KLHL23: variants seen among roughly 807,000 people sequenced by gnomAD.
KLHL23 encodes the protein kelch like family member 23.
KLHL23 carries 33 observed loss-of-function variants against 48.9 expected under a neutral mutation model. The observed-to-expected ratio is 0.67, with a 90% CI of 0.51 to 0.90. The LOEUF (loss-of-function observed/expected upper bound fraction) is 0.90, where lower values mean the gene tolerates loss of function less well. Ranked by LOEUF, KLHL23 falls within the 40% of genes least tolerant of loss-of-function variation. The pLI, the probability that KLHL23 is intolerant of heterozygous loss-of-function variation, is 0.00. For missense variants in KLHL23, 608 were observed against 669.6 expected (o/e 0.91, Z 1.02); for synonymous variants, 234 against 231.6 (o/e 1.01, Z -0.09).
chr2:169,744,678 C>T (rs995287086), intron 3 of KLHL23, among the ~76,000 whole-genome samples: 2 of 151,768 alleles, frequency 1.3e-5, no homozygotes, highest in African/African-American at 2.4e-5. Flanking sequence ...CCTGCCTCAA[C>T]GTCCCAAGTA....
Position 169,751,768 on chromosome 2 carries a change from A to G in KLHL23, c.*2036A>G, listed in dbSNP as rs1231955673. The G allele has an allele frequency of 1.3e-5, 2 of 152,204 alleles. No individual in the cohort carries two copies. Among genetic ancestry groups the G allele is most frequent in the Non-Finnish European group, 2.9e-5 (2 of 68,022 alleles). The allele number at this position is 152,204 out of a possible 1,614,324, so 9.4% of individuals were successfully genotyped here. A position where few individuals can be genotyped will look rare whatever the true frequency, so the allele number is the denominator to read the frequency against. On this transcript the variant is annotated 3_prime_UTR_variant, in exon 4 of 4. Transcript: ENST00000392647. ...AAAATCTTTATGCATGTGGAAGGTA[A>G]TCTGCAAAACAAATTCATTGTGTTA... is the stretch of plus-strand genomic sequence containing the variant.
At chr2:169,738,863 CTCTCTT>C (rs1688590845) in intron 2 of KLHL23, among the ~76,000 whole-genome samples, 1 of 2,764 alleles carries the variant, frequency 3.6e-4, no homozygotes, top group African/African-American at 2.1e-3. Context: ...TCACCCTCCC[CTCTCTT>C]CCCCCTTCCC....
chr2:169,743,683 G>C (rs1467501524), intron 3 of KLHL23, among the ~76,000 whole-genome samples: 2 of 152,214 alleles, frequency 1.3e-5, no homozygotes, highest in Non-Finnish European at 2.9e-5. Context: ...GGGAGCCAGG[G>C]GGTAGCTGTT....
intron 3 of KLHL23, among the ~76,000 whole-genome samples, chr2:169,748,527 C>T (rs546548271): frequency 6.6e-6 from 1 of 152,096 alleles, no homozygotes; most frequent in Non-Finnish European, 1.5e-5. Flanking sequence ...GGGCAGAGAC[C>T]AGGATGAGGC....
At chr2:169,747,682 A>C (rs1277172779) in intron 3 of KLHL23, among the ~76,000 whole-genome samples, 1 of 151,222 alleles carries the variant, frequency 6.6e-6, no homozygotes, top group African/African-American at 2.4e-5. Flanking sequence ...TAATGTGAGG[A>C]CACATTGGGA....
At chr2:169,739,048 CCTCCTTCCCCTCCCT>C (rs1688608946) in intron 2 of KLHL23, among the ~76,000 whole-genome samples, 1 of 129,316 alleles carries the variant, frequency 7.7e-6, no homozygotes, top group South Asian at 2.9e-4. Context: ...TCTTCCTCCT[CCTCCTTCCCCTCCCT>C]CTCCTTCCCC....
At position 169,736,241 on chromosome 2, in the gene KLHL23, A is replaced by G; in HGVS notation, c.1213+14A>G. On this transcript the variant is annotated intron_variant, in intron 2 of 3. Transcript: ENST00000392647. ...ACATGATTAAAGGTAAGTGGAGATT[A>G]TGTTTATTTTGTATTTTTTAGATGT... 1 of 1,580,112 alleles carries G rather than the reference A, an allele frequency of 6.3e-7. No individual in the cohort carries two copies. Among genetic ancestry groups the G allele is most frequent in the Non-Finnish European group, 8.6e-7 (1 of 1,165,470 alleles).
chr2:169,748,574 CAGTGCAAATGACTCACAG>C (rs935767922), intron 3 of KLHL23, among the ~76,000 whole-genome samples: 1 of 152,172 alleles, frequency 6.6e-6, no homozygotes, highest in Non-Finnish European at 1.5e-5. Context: ...TAAGGCCATG[CAGTGCAAATGACTCACAG>C]AGTTCTGCCT....
intron 2 of KLHL23, 93 bp downstream of exon 2, chr2:169,736,320 A>G (rs1688517170): frequency 1.4e-6 from 2 of 1,462,776 alleles, no homozygotes; most frequent in Admixed American, 2.3e-5. Context: ...TTGGGATGCT[A>G]TCTAGGAACT....
intron 3 of KLHL23, among the ~76,000 whole-genome samples, chr2:169,743,299 A>G (rs1268166711): frequency 6.6e-6 from 1 of 152,228 alleles, no homozygotes; most frequent in Non-Finnish European, 1.5e-5. Context: ...ATAGCTTATT[A>G]ACTACATGAA....
At chr2:169,745,431 T>A (rs1688772537) in intron 3 of KLHL23, among the ~76,000 whole-genome samples, 1 of 139,118 alleles carries the variant, frequency 7.2e-6, no homozygotes, top group Admixed American at 8.4e-5. Context: ...GAGAATGGTG[T>A]GAACCCGGGA....
chr2:169,741,571 G>T, intron 3 of KLHL23, 34 bp downstream of exon 3: 1 of 1,582,176 alleles, frequency 6.3e-7, no homozygotes. Flanking sequence ...AGTGTATGTT[G>T]TGATGTAGTT....
At position 169,749,461 on chromosome 2, in the gene KLHL23, A is replaced by G. The variant is rs1688888026; in HGVS notation, c.1406A>G (p.Tyr469Cys). 1.2e-6 allele frequency: 2 copies of G among 1,613,914 alleles called. No homozygotes were observed. The highest frequency in any genetic ancestry group is 1.3e-5 in the African/African-American group (1 of 75,028). The change falls in exon 4 of 4, where the codon TAT becomes TGT. Residue 469 changes from tyrosine to cysteine, a missense_variant. By Grantham distance (194) the Tyr-to-Cys change is radical (BLOSUM62 -2). This residue lies in a region of KLHL23 where 179 missense variants were observed against 169.9 expected (regional missense o/e 1.05). Coordinates refer to ENST00000392647, the MANE Select transcript of KLHL23 (RefSeq NM_144711.6). ...LCSVPFENKL[Y>C]LVGGQTTITE... ...TCAGTTCCGTTTGAAAATAAGCTCT[A>G]TCTAGTCGGCGGACAAACTACAATC...
At chr2:169,749,353 C>T in intron 3 of KLHL23, 69 bp from the exon 4 acceptor site, 7 of 1,425,526 alleles carry the variant, frequency 4.9e-6, no homozygotes, top group Non-Finnish European at 6.5e-6. Flanking sequence ...ATTACATTAC[C>T]ACACTGTGGA....
chr2:169,734,993 TTATTTCA>T lies in KLHL23; in HGVS notation c.-2-14_-2-8del. The T allele has an allele frequency of 6.6e-7, 1 of 1,517,600 alleles. No homozygotes were observed. Among genetic ancestry groups the T allele is most frequent in the East Asian group, 2.3e-5 (1 of 43,670 alleles). 94.0% of individuals were successfully genotyped at this position (1,517,600 alleles called of 1,614,324 possible). ...ATGTGCAACATTGAAAACACATTTG[TTATTTCA>T]TATTTATTGCAGCCATGGCTCTAAA... On this transcript the variant is annotated splice_polypyrimidine_tract_variant and intron_variant, in intron 1 of 3. Transcript: ENST00000392647.
intron 3 of KLHL23, among the ~76,000 whole-genome samples, 173 bp downstream of exon 3, chr2:169,741,710 G>A (rs1171211327): frequency 1.3e-5 from 2 of 152,148 alleles, no homozygotes; most frequent in Non-Finnish European, 2.9e-5. Context: ...ATCACAATGA[G>A]ATTCTGATTG....
At chr2:169,734,575 A>G (rs1688468470) in intron 1 of KLHL23, among the ~76,000 whole-genome samples, 1 of 152,046 alleles carries the variant, frequency 6.6e-6, no homozygotes, top group African/African-American at 2.4e-5. Flanking sequence ...TTATATTTCC[A>G]TCATCCCTTT....
At position 169,750,603 on chromosome 2, in the gene KLHL23, T is replaced by C. The variant is rs1346414953; in HGVS notation, c.*871T>C. ...AATTATTTAGAATGTGGATTTACTT[T>C]GTCTAGTTTTTTCCTTTATAGTGTA... On this transcript the variant is annotated 3_prime_UTR_variant, in exon 4 of 4. Transcript: ENST00000392647. 1.3e-5 allele frequency: 2 copies of C among 152,238 alleles called. No individual in the cohort carries two copies. The highest frequency in any genetic ancestry group is 2.4e-5 in the African/African-American group (1 of 41,466). The allele number at this position is 152,238 out of a possible 1,614,324, so 9.4% of individuals were successfully genotyped here. A position where few individuals can be genotyped will look rare whatever the true frequency, so the allele number is the denominator to read the frequency against.
rs755369236 is a variant in KLHL23 at position 169,736,112 on chromosome 2, C to G, written c.1098C>G (p.Thr366=). 5 of 1,614,146 alleles carry G rather than the reference C, an allele frequency of 3.1e-6. No individual in the cohort carries two copies. In the Admixed American group the frequency reaches 8.3e-5, roughly 27 times the overall value. The change falls in exon 2 of 4, where the codon ACC becomes ACG. Residue 366 remains threonine, a synonymous_variant. Transcript: ENST00000392647. ...CCAGGTATTACCACTGTGCAGTCAC[C>G]TTGGGTGGCTGTGTCTATGCTTTAG... ...LNARYYHCAV[T]LGGCVYALGG...
Sources: gnomAD v4.1 joint callset for allele counts (sites outside exome capture counted in the v4.1 genomes callset) on GRCh38, gnomAD v4.1.1 for gene constraint, gnomAD v4.1.1 regional missense constraint, MANE v1.5 for transcripts, NCBI Gene and HGNC (gene_info 2026-07-23, HGNC 2026-07-21) for gene names.